The following PDCL2 variants were observed in gnomAD, a reference collection of about 807,000 sequenced individuals.
The protein encoded by PDCL2 is phosducin like 2, also known as phosducin-like protein 2.
Under a neutral mutation model 30.3 loss-of-function variants are expected in PDCL2, and 23 were observed. That is an observed-to-expected ratio of 0.76 (90% CI 0.55 to 1.08). PDCL2 has a LOEUF of 1.08. PDCL2 is among the 50% of genes least tolerant of loss of function. The pLI is 0.00. For synonymous variants in PDCL2, 68 were observed against 86.2 expected, an observed-to-expected ratio of 0.79 and a Z score of 1.17; for missense variants, 243 against 282.3, an observed-to-expected ratio of 0.86 and a Z score of 1.00.
intron 3 of PDCL2, among the ~76,000 whole-genome samples, chr4:55,573,785 G>A (rs1732491483): frequency 6.6e-6 from 1 of 150,902 alleles, no homozygotes; most frequent in Non-Finnish European, 1.5e-5. Context: ...ACATGATAGT[G>A]AACAATTCTT....
intron 4 of PDCL2, among the ~76,000 whole-genome samples, chr4:55,564,188 T>C (rs540741587): frequency 6.6e-6 from 1 of 152,228 alleles, no homozygotes; most frequent in Non-Finnish European, 1.5e-5. Context: ...ATTAGAAATT[T>C]TGTCAGAATG....
chr4:55,572,972 ATGGTCT>A (rs1732466889), intron 3 of PDCL2, among the ~76,000 whole-genome samples: 3 of 152,026 alleles, frequency 2.0e-5, no homozygotes, highest in African/African-American at 7.2e-5. Flanking sequence ...GTTAGCCAGG[ATGGTCT>A]CGATCTCCTG....
At chr4:55,556,833 A>AG (rs946760326) in intron 5 of PDCL2, 122 bp from the exon 6 acceptor site, 16 of 868,040 alleles carry the variant, frequency 1.8e-5, no homozygotes, top group East Asian at 3.4e-5. Flanking sequence ...ATTTATTTAT[A>AG]GGTTTTTTTT....
At chr4:55,575,130 G>A (rs1264453114) in intron 3 of PDCL2, among the ~76,000 whole-genome samples, 1 of 152,194 alleles carries the variant, frequency 6.6e-6, no homozygotes, top group Admixed American at 6.5e-5. Flanking sequence ...AATAGTTAGT[G>A]TCAGAATTGA....
At chr4:55,585,292 C>T (rs1732830993) in intron 1 of PDCL2, among the ~76,000 whole-genome samples, 1 of 152,242 alleles carries the variant, frequency 6.6e-6, no homozygotes, top group East Asian at 1.9e-4. Flanking sequence ...CTTTAGCAGG[C>T]CGAGGTGGGT....
At chr4:55,560,176 G>A (rs1046221325) in intron 5 of PDCL2, among the ~76,000 whole-genome samples, 13 of 83,416 alleles carry the variant, frequency 1.6e-4, no homozygotes, top group Admixed American at 1.2e-3. Context: ...ATTGATATCT[G>A]TCTCAAAAAA....
At chr4:55,576,320 T>A (rs1042214600) in intron 3 of PDCL2, among the ~76,000 whole-genome samples, 1 of 152,170 alleles carries the variant, frequency 6.6e-6, no homozygotes, top group Admixed American at 6.6e-5. Context: ...CTCAAACTCC[T>A]GAACTCAGGC....
intron 3 of PDCL2, among the ~76,000 whole-genome samples, chr4:55,574,226 A>G (rs1481387464): frequency 6.6e-6 from 1 of 152,194 alleles, no homozygotes; most frequent in Non-Finnish European, 1.5e-5. Context: ...CACAAATAAA[A>G]GAATTTCTAT....
At position 55,562,504 on chromosome 4, in the gene PDCL2, A is replaced by G; in HGVS notation, c.471T>C (p.His157=). 6.3e-7 allele frequency: 1 copy of G among 1,583,916 alleles called. No individual in the cohort carries two copies. The highest frequency in any genetic ancestry group is 2.3e-5 in the East Asian group (1 of 42,868). The part of the protein sequence containing the change: ...AIVNSCIQHY[H]DNCLPTIFVY... The stretch of plus-strand genomic sequence containing the variant: ...CAAAAATTGTTGGTAAACAATTGTC[A>G]TGGTAGTGTTGAATACAGCTATTCA... Residue 157 remains histidine, a synonymous_variant, in exon 5 of 6, where the codon CAT becomes CAC. Transcript: ENST00000295645.
intron 1 of PDCL2, among the ~76,000 whole-genome samples, chr4:55,586,114 C>T (rs987259811): frequency 2.0e-5 from 3 of 151,912 alleles, no homozygotes; most frequent in Admixed American, 2.0e-4. Context: ...ATGCATTTCC[C>T]TCTTAAATCT....
chr4:55,569,803 T>C lies in PDCL2; in HGVS notation c.277A>G (p.Arg93Gly), dbSNP rs1439510264. 1 of 1,563,240 alleles carries C rather than the reference T, an allele frequency of 6.4e-7. No individual in the cohort carries two copies. Among genetic ancestry groups the C allele is most frequent in the East Asian group, 2.3e-5 (1 of 43,136 alleles). Residue 93 changes from arginine (R) to glycine (G), a missense_variant, in exon 4 of 6, where the codon AGA becomes GGA. Transcript: ENST00000295645. ...LKKKQKFGEL[R>G]EISGNQYVNE... ...ACATACTGATTTCCAGAAATTTCTC[T>C]TAATTCTCCAAATTTTTGTTTTTTC...
intron 3 of PDCL2, among the ~76,000 whole-genome samples, chr4:55,570,973 C>A (rs1199194453): frequency 6.6e-6 from 1 of 152,200 alleles, no homozygotes; most frequent in Non-Finnish European, 1.5e-5. Context: ...GGCTAGTGAA[C>A]TCCATGAAAT....
At chr4:55,592,044 CG>C in intron 1 of PDCL2, 59 bp downstream of exon 1, 2 of 1,593,804 alleles carry the variant, frequency 1.3e-6, no homozygotes, top group South Asian at 2.3e-5. Context: ...CCCTTGGCTT[CG>C]GGCCCAGCTG....
chr4:55,587,928 AT>A (rs56904185), intron 1 of PDCL2, among the ~76,000 whole-genome samples: 45,461 of 151,902 alleles, frequency 0.3, 7,400 homozygotes, highest in East Asian at 0.58. Flanking sequence ...AGTACAATTT[AT>A]TTTTTTCTTT....
At position 55,562,408 on chromosome 4, in the gene PDCL2, C is replaced by T. The variant is rs760853507; in HGVS notation, c.567G>A (p.Leu189=). 1 of 1,394,428 alleles carries T rather than the reference C, an allele frequency of 7.2e-7. No homozygotes were observed. Among genetic ancestry groups the T allele is most frequent in the Non-Finnish European group, 9.4e-7 (1 of 1,065,968 alleles). The allele number at this position is 1,394,428 out of a possible 1,614,324, so 86.4% of individuals were successfully genotyped here. The part of the protein sequence containing the change: ...IIECGGINLK[L]EELEWKLAEV... ...AAACAAAATTTGTAACATTACCTTC[C>T]AGCTTGAGATTTATCCCTCCACATT... Residue 189 remains leucine (L), a synonymous_variant, in exon 5 of 6, where the codon CTG becomes CTA. Transcript: ENST00000295645.
chr4:55,577,026 T>C (rs1467212180), intron 3 of PDCL2, among the ~76,000 whole-genome samples: 1 of 151,846 alleles, frequency 6.6e-6, no homozygotes, highest in Non-Finnish European at 1.5e-5. Context: ...GCCTCCCGAG[T>C]AGGTGGGATT....
intron 1 of PDCL2, among the ~76,000 whole-genome samples, chr4:55,583,295 C>T (rs537945332): frequency 1.8e-4 from 28 of 152,242 alleles, no homozygotes; most frequent in South Asian, 4.1e-4. Flanking sequence ...TATTTGAGTT[C>T]TGTATATATT....
intron 3 of PDCL2, among the ~76,000 whole-genome samples, 184 bp from the exon 4 acceptor site, chr4:55,570,045 T>C (rs1732380400): frequency 6.6e-6 from 1 of 152,180 alleles, no homozygotes; most frequent in Non-Finnish European, 1.5e-5. Flanking sequence ...ATTTGTGTTA[T>C]CATGGTTATT....
intron 4 of PDCL2, among the ~76,000 whole-genome samples, chr4:55,565,782 A>G (rs1364048214): frequency 6.6e-6 from 1 of 151,976 alleles, no homozygotes. Flanking sequence ...TTGAGTAATA[A>G]TAAAACTCTA....
Sources: allele counts gnomAD v4.1 joint callset (sites outside exome capture counted in the v4.1 genomes callset), GRCh38; gene constraint gnomAD v4.1.1; transcripts MANE v1.5; gene names NCBI Gene and HGNC (gene_info 2026-07-23, HGNC 2026-07-21).